The following SLC4A5 variants were observed in gnomAD, a reference collection of about 807,000 sequenced individuals.
SLC4A5 encodes electrogenic sodium bicarbonate cotransporter 4.
SLC4A5 carries 96 observed loss-of-function variants against 120.4 expected under a neutral mutation model. The observed-to-expected ratio is 0.80, with a 90% CI of 0.68 to 0.94. SLC4A5 has a LOEUF of 0.94. SLC4A5 is among the 40% of genes least tolerant of loss of function. The pLI is 0.00. For synonymous variants in SLC4A5, 550 were observed against 571.1 expected (o/e 0.96, Z 0.53); for missense variants, 1,259 against 1,459.5 (o/e 0.86, Z 2.24).
chr2:74,295,843 G>A (rs1007873312), intron 7 of SLC4A5, among the ~76,000 whole-genome samples: 1 of 152,122 alleles, frequency 6.6e-6, no homozygotes, highest in Non-Finnish European at 1.5e-5. Context: ...TGCCAAAGGT[G>A]AAGCACTGTG....
At chr2:74,256,511 C>A (rs1478693694) in intron 12 of SLC4A5, among the ~76,000 whole-genome samples, 2 of 152,202 alleles carry the variant, frequency 1.3e-5, no homozygotes, top group African/African-American at 2.4e-5. Context: ...CAAGGAAATT[C>A]ATCACTTCTG....
At chr2:74,218,258 T>C (rs945470383) in exon 31 of SLC4A5, 2 of 151,592 alleles carry the variant, frequency 1.3e-5, no homozygotes. Context: ...AGAACATCTA[T>C]ATTTAAATCT....
intron 12 of SLC4A5, among the ~76,000 whole-genome samples, chr2:74,257,981 T>C (rs1349004358): frequency 6.6e-6 from 1 of 152,234 alleles, no homozygotes; most frequent in Non-Finnish European, 1.5e-5. Flanking sequence ...GGTTGTGGCA[T>C]CCCAGAAATG....
chr2:74,246,300 A>G (rs771133155), intron 19 of SLC4A5, among the ~76,000 whole-genome samples: 2 of 152,154 alleles, frequency 1.3e-5, no homozygotes, highest in Non-Finnish European at 2.9e-5. Context: ...ACTTGCTACC[A>G]ACCAAGGGGG....
chr2:74,268,447 A>C (rs1671372098), intron 8 of SLC4A5, among the ~76,000 whole-genome samples: 1 of 152,230 alleles, frequency 6.6e-6, no homozygotes, highest in Non-Finnish European at 1.5e-5. Context: ...ATTAGTATTA[A>C]CATCATTCTG....
intron 17 of SLC4A5, 119 bp downstream of exon 17, chr2:74,250,224 T>C (rs377171121): frequency 2.2e-6 from 2 of 892,682 alleles, no homozygotes; most frequent in Non-Finnish European, 1.7e-6. Flanking sequence ...CAAATAGTGA[T>C]GGCCTCAACC....
intron 8 of SLC4A5, among the ~76,000 whole-genome samples, chr2:74,279,597 T>A (rs1671746825): frequency 1.3e-5 from 2 of 152,090 alleles, no homozygotes; most frequent in South Asian, 4.2e-4. Flanking sequence ...TGCTGATGCC[T>A]CACAAATTTA....
At chr2:74,293,924 AGATT>A (rs1274952165) in intron 7 of SLC4A5, among the ~76,000 whole-genome samples, 2 of 152,340 alleles carry the variant, frequency 1.3e-5, no homozygotes, top group Non-Finnish European at 2.9e-5. Flanking sequence ...AAGAATAGTT[AGATT>A]AAGCCTAGTC....
In SLC4A5 at chr2:74,255,244, C is replaced by A. The variant is rs1291509975; in HGVS notation, c.1025+531G>T. ...ACCTTTGTCTTGCTGCCCAAGCTTA[C>A]CTGACAACTTCTCTCCTAGTTGTTG... On this transcript the variant is annotated intron_variant, in intron 13 of 30. Coordinates refer to ENST00000394019, the Ensembl canonical transcript of SLC4A5. This position sits in a 1 kb window ranked among gnomAD's most constrained non-coding sequence, Gnocchi z 4.0. 6.6e-6 allele frequency among the ~76,000 whole-genome samples: 1 copy of A among 152,186 alleles called. No homozygotes were observed. Among genetic ancestry groups the A allele is most frequent in the East Asian group, 1.9e-4 (1 of 5,190 alleles).
At chr2:74,233,699 A>G in intron 22 of SLC4A5, 136 bp from the exon 23 acceptor site, 1 of 1,005,656 alleles carries the variant, frequency 9.9e-7, no homozygotes, top group Non-Finnish European at 1.4e-6. Context: ...TCCCTTAAAC[A>G]CCTTAGGTAG....
intron 19 of SLC4A5, among the ~76,000 whole-genome samples, chr2:74,245,846 T>C (rs1670593047): frequency 6.6e-6 from 1 of 152,220 alleles, no homozygotes; most frequent in Admixed American, 6.5e-5. Flanking sequence ...GAACCCACTA[T>C]CCACTTATTT....
At chr2:74,290,826 C>A (rs1558897918) in intron 7 of SLC4A5, 1 of 928,980 alleles carries the variant, frequency 1.1e-6, no homozygotes, top group Non-Finnish European at 1.3e-6. Flanking sequence ...CCCTTTACCC[C>A]CTTCCCCATG....
At chr2:74,247,725 G>A (rs985826206) in intron 18 of SLC4A5, among the ~76,000 whole-genome samples, 2 of 152,080 alleles carry the variant, frequency 1.3e-5, no homozygotes, top group Admixed American at 1.3e-4. Context: ...ATGTTGGCCA[G>A]GCTGGTCTCA....
intron 19 of SLC4A5, 21 bp downstream of exon 19, chr2:74,247,015 A>C (rs745522736): frequency 1.2e-6 from 2 of 1,610,368 alleles, no homozygotes; most frequent in African/African-American, 1.3e-5. Flanking sequence ...GGCCCACGGC[A>C]TGTCTGGGGT....
intron 8 of SLC4A5, among the ~76,000 whole-genome samples, chr2:74,281,623 G>A (rs1671817251): frequency 2.0e-5 from 3 of 152,126 alleles, no homozygotes; most frequent in Admixed American, 1.3e-4. Context: ...TGCACACACA[G>A]TCCCCATTAT....
At chr2:74,252,099 T>C in intron 16 of SLC4A5, 80 bp downstream of exon 16, 1 of 1,482,734 alleles carries the variant, frequency 6.7e-7, no homozygotes, top group Non-Finnish European at 9.2e-7. Context: ...AGACCATGGT[T>C]GGGAAAAGTC....
chr2:74,254,812 T>G, intron 13 of SLC4A5, 106 bp from the exon 14 acceptor site: 6 of 818,328 alleles, frequency 7.3e-6, no homozygotes, highest in Admixed American at 2.5e-5. Context: ...CCCTGAACAG[T>G]ATGCATTTTT....
At chr2:74,300,462 T>C (rs1672446801) in intron 7 of SLC4A5, among the ~76,000 whole-genome samples, 1 of 152,252 alleles carries the variant, frequency 6.6e-6, no homozygotes, top group African/African-American at 2.4e-5. Context: ...TGTATAATTT[T>C]GTCAATTATA....
Position 74,255,320 on chromosome 2 carries a change from T to C in SLC4A5, c.1025+455A>G, listed in dbSNP as rs1414715220. On this transcript the variant is annotated intron_variant, in intron 13 of 30. Coordinates refer to ENST00000394019, the Ensembl canonical transcript of SLC4A5. The surrounding 1 kb of genome is among the most constrained non-coding windows in gnomAD (Gnocchi z 4.0). ...TTTTTATTTTTTTTCTGAGACGCAGTCTTGCTCTGTTGCCCAGGCTGGGGT... is the reference window on the plus strand; with the variant it reads ...TTTTTATTTTTTTTCTGAGACGCAGCCTTGCTCTGTTGCCCAGGCTGGGGT... 6.6e-6 allele frequency among the ~76,000 whole-genome samples: 1 copy of C among 152,182 alleles called. No homozygotes were observed. The highest frequency in any genetic ancestry group is 6.5e-5 in the Admixed American group (1 of 15,284).
Sources: allele counts gnomAD v4.1 joint callset (sites outside exome capture counted in the v4.1 genomes callset), GRCh38; gene constraint gnomAD v4.1.1; non-coding constraint Gnocchi (gnomAD v3.1); transcripts MANE v1.5; gene names NCBI Gene and HGNC (gene_info 2026-07-23, HGNC 2026-07-21).